SCN10A: variants seen among roughly 807,000 people sequenced by gnomAD.
The protein encoded by SCN10A is sodium channel protein type 10 subunit alpha.
A neutral mutation model predicts 170.7 loss-of-function variants in SCN10A; 162 were observed. The ratio of observed to expected loss-of-function variants is 0.95; its 90% CI spans 0.84 to 1.08. The LOEUF (loss-of-function observed/expected upper bound fraction) is 1.08, where lower values mean the gene tolerates loss of function less well. Ranked by LOEUF, SCN10A falls within the 50% of genes least tolerant of loss-of-function variation. The pLI, the probability that SCN10A is intolerant of heterozygous loss-of-function variation, is 0.00. For missense variants in SCN10A, 2,527 were observed against 2,436.9 expected, an observed-to-expected ratio of 1.04 and a Z score of -0.78; for synonymous variants, 985 against 904.6, an observed-to-expected ratio of 1.09 and a Z score of -1.59.
chr3:38,752,306 T>G lies in SCN10A; in HGVS notation c.1668A>C (p.Gln556His). The G allele has an allele frequency of 6.2e-7, 1 of 1,609,030 alleles. No homozygotes were observed. ...CATGCCTGGAGTCAGGGTTGCTGGGTTGAGGAAGAGGGCTTCTAGGGAGGG... is the reference window on the plus strand; with the variant it reads ...CATGCCTGGAGTCAGGGTTGCTGGGGTGAGGAAGAGGGCTTCTAGGGAGGG... ...QGPLPRSPLPQPSNPDSRHGE... is the reference protein window; with the variant it reads ...QGPLPRSPLPHPSNPDSRHGE... The change falls in exon 12 of 28, where the codon CAA becomes CAC. Residue 556 changes from glutamine (Q) to histidine (H), a missense_variant. Coordinates refer to ENST00000449082, the MANE Select transcript of SCN10A (RefSeq NM_006514.4).
intron 8 of SCN10A, among the ~76,000 whole-genome samples, chr3:38,759,720 T>C (rs900574723): frequency 6.6e-6 from 1 of 152,156 alleles, no homozygotes; most frequent in African/African-American, 2.4e-5. Context: ...AAATTTCCTA[T>C]CTCTATTTTA....
intron 15 of SCN10A, among the ~76,000 whole-genome samples, chr3:38,730,367 A>G (rs2063501984): frequency 6.6e-6 from 1 of 152,246 alleles, no homozygotes; most frequent in African/African-American, 2.4e-5. Context: ...GAGCAATTCT[A>G]CAAAGTGCTC....
intron 4 of SCN10A, among the ~76,000 whole-genome samples, chr3:38,773,615 T>C (rs938975675): frequency 4.6e-5 from 7 of 151,970 alleles, no homozygotes; most frequent in Admixed American, 4.6e-4. Flanking sequence ...AACAAAAAAA[T>C]AAAATCCTTA....
At chr3:38,718,067 G>A (rs370131320) in intron 21 of SCN10A, among the ~76,000 whole-genome samples, 9 of 152,324 alleles carry the variant, frequency 5.9e-5, no homozygotes, top group African/African-American at 2.2e-4. Flanking sequence ...TGCCACTGGG[G>A]AGGAGGCAGC....
At chr3:38,787,490 T>A (rs539489876) in intron 4 of SCN10A, among the ~76,000 whole-genome samples, 1 of 151,084 alleles carries the variant, frequency 6.6e-6, no homozygotes, top group South Asian at 2.1e-4. Flanking sequence ...CTTCTTGCAC[T>A]TTTTTTTTCT....
At chr3:38,710,924 A>G (rs940850483) in intron 23 of SCN10A, 27 bp from the exon 24 acceptor site, 1 of 1,602,558 alleles carries the variant, frequency 6.2e-7, no homozygotes, top group Non-Finnish European at 8.5e-7. Flanking sequence ...GAGGCCACTC[A>G]GTGTCTGCCC....
Position 38,698,387 on chromosome 3 carries a change from C to A in SCN10A, c.4833G>T (p.Gly1611=), listed in dbSNP as rs909942443. The change falls in exon 28 of 28, where the codon GGG becomes GGT. Residue 1611 remains glycine, a synonymous_variant. Coordinates refer to ENST00000449082, the MANE Select transcript of SCN10A (RefSeq NM_006514.4). ...MMSLPALFNI[G]LLLFLVMFIY... is the part of the protein sequence containing the mutation. ...TGAACATGACAAGGAATAGCAACAG[C>A]CCGATGTTGAAGAGGGCAGGCAGGG... 8 of 1,614,148 alleles carry A rather than the reference C, an allele frequency of 5.0e-6. No homozygotes were observed. Among genetic ancestry groups the A allele is most frequent in the Non-Finnish European group, 6.8e-6 (8 of 1,180,040 alleles).
rs767498321 is a variant in SCN10A at position 38,728,682 on chromosome 3, C to A, written c.2500G>T (p.Asp834Tyr). The A allele has an allele frequency of 6.2e-7, 1 of 1,614,154 alleles. No individual in the cohort carries two copies. The highest frequency in any genetic ancestry group is 8.5e-7 in the Non-Finnish European group (1 of 1,180,036). The change falls in exon 16 of 28, where the codon GAC becomes TAC. Residue 834 changes from aspartate to tyrosine, a missense_variant. Transcript: ENST00000449082. ...HEDWPRWHMHDFFHSFLIVFR... is the reference protein window; with the variant it reads ...HEDWPRWHMHYFFHSFLIVFR... ...ACAATGAGGAAAGAGTGGAAGAAGT[C>A]GTGCATGTGCCAGCGGGGCCAGTCT...
At chr3:38,703,336 T>C (rs187566637) in intron 26 of SCN10A, among the ~76,000 whole-genome samples, 237 of 152,324 alleles carry the variant, frequency 1.6e-3, no homozygotes, top group Non-Finnish European at 1.0e-3. Flanking sequence ...TGCACAAATC[T>C]CTAATGACCT....
intron 4 of SCN10A, among the ~76,000 whole-genome samples, chr3:38,780,068 C>T (rs557440160): frequency 1.3e-5 from 2 of 151,774 alleles, no homozygotes; most frequent in Non-Finnish European, 2.9e-5. Context: ...CTTTTTAATA[C>T]ATTTGATCTG....
At chr3:38,715,558 G>T (rs970396996) in intron 21 of SCN10A, among the ~76,000 whole-genome samples, 1 of 152,156 alleles carries the variant, frequency 6.6e-6, no homozygotes, top group Non-Finnish European at 1.5e-5. Context: ...GCATACTTGT[G>T]TCTGTGCCTT....
At position 38,755,855 on chromosome 3, in the gene SCN10A, C is replaced by G; in HGVS notation, c.1394G>C (p.Arg465Thr). Residue 465 changes from arginine to threonine, a missense_variant, in exon 11 of 28, where the codon AGA becomes ACA. Coordinates refer to ENST00000449082, the MANE Select transcript of SCN10A (RefSeq NM_006514.4). ...GTCTTCTGTGGAGCCCTCTGACACT[C>G]TTGGCTTTATTCTATGCCTTCTCTC... ...ASERRHRIKP[R>T]VSEGSTEDNK... is the part of the protein sequence containing the mutation. The G allele has an allele frequency of 6.2e-7, 1 of 1,614,154 alleles. No homozygotes were observed. The highest frequency in any genetic ancestry group is 1.1e-5 in the South Asian group (1 of 91,070).
chr3:38,738,479 A>G (rs1221031519), intron 15 of SCN10A, among the ~76,000 whole-genome samples: 2 of 152,172 alleles, frequency 1.3e-5, no homozygotes, highest in African/African-American at 4.8e-5. Flanking sequence ...GGTCCCAAGC[A>G]GATCTGTCCT....
intron 5 of SCN10A, among the ~76,000 whole-genome samples, chr3:38,766,427 G>A (rs1283871493): frequency 6.6e-6 from 1 of 152,078 alleles, no homozygotes; most frequent in East Asian, 1.9e-4. Context: ...CAATTTGGTT[G>A]AGGGTTTTAA....
chr3:38,798,784 T>C (rs953678887), intron 1 of SCN10A, among the ~76,000 whole-genome samples: 5 of 86,408 alleles, frequency 5.8e-5, no homozygotes, highest in South Asian at 4.7e-4. Flanking sequence ...TCCCCTTGCC[T>C]CCTTTTTTTT....
intron 4 of SCN10A, among the ~76,000 whole-genome samples, chr3:38,774,504 T>A (rs2064047767): frequency 6.6e-6 from 1 of 152,198 alleles, no homozygotes; most frequent in Non-Finnish European, 1.5e-5. Context: ...CAATGTGTTA[T>A]TTCCTAAGTG....
In SCN10A at chr3:38,755,973, C is replaced by G. The variant is rs1033281970; in HGVS notation, c.1291-15G>C. The G allele has an allele frequency of 3.1e-6, 5 of 1,614,112 alleles. No individual in the cohort carries two copies. Among genetic ancestry groups the G allele is most frequent in the Non-Finnish European group, 4.2e-6 (5 of 1,179,948 alleles). ...GCTGCTAGCACCTGCGAAGAGAGAACAGCAGGTGTAGCCAATAGTATTTGC... is the reference window on the plus strand; with the variant it reads ...GCTGCTAGCACCTGCGAAGAGAGAAGAGCAGGTGTAGCCAATAGTATTTGC... On this transcript the variant is annotated splice_polypyrimidine_tract_variant and intron_variant, in intron 10 of 27. Coordinates refer to ENST00000449082, the MANE Select transcript of SCN10A (RefSeq NM_006514.4).
At chr3:38,703,214 C>T (rs191041515) in intron 26 of SCN10A, among the ~76,000 whole-genome samples, 1 of 152,316 alleles carries the variant, frequency 6.6e-6, no homozygotes. Flanking sequence ...AACTCTTGGT[C>T]CCTCTGCCTC....
intron 4 of SCN10A, among the ~76,000 whole-genome samples, chr3:38,786,188 T>C (rs1375431819): frequency 1.3e-5 from 2 of 152,184 alleles, no homozygotes; most frequent in East Asian, 1.9e-4. Context: ...CGTATGTTTA[T>C]TGTGGCACTA....
Sources: gnomAD v4.1 joint callset for allele counts (sites outside exome capture counted in the v4.1 genomes callset) on GRCh38, gnomAD v4.1.1 for gene constraint, MANE v1.5 for transcripts, NCBI Gene and HGNC (gene_info 2026-07-23, HGNC 2026-07-21) for gene names.